OR51B5: variants seen among roughly 807,000 people sequenced by gnomAD.
OR51B5 encodes olfactory receptor family 51 subfamily B member 5.
For missense variants in OR51B5, 456 were observed against 374.6 expected (o/e 1.22, Z -1.79); for synonymous variants, 186 against 144.8 (o/e 1.28, Z -2.04).
chr11:5,394,589 G>A (rs149187802), intron 1 of OR51B5, among the ~76,000 whole-genome samples: 53 of 152,268 alleles, frequency 3.5e-4, no homozygotes, highest in Non-Finnish European at 4.9e-4. Context: ...AACACAGATG[G>A]CTCATGTAAT....
chr11:5,441,602 A>G lies in OR51B5; in HGVS notation n.84+63967T>C, dbSNP rs116498549. ...TTTCAGATATCCTGTCTCCAACAAA[A>G]GGTCATAGATTGAAAATGATTGCCT... On this transcript the variant is annotated intron_variant and non_coding_transcript_variant, in intron 1 of 4. Transcript: ENST00000415970. The G allele has an allele frequency of 2.3e-4, 231 of 997,392 alleles. 1 individual carries two copies. The African/African-American group carries it at 3.3e-3, about 14-fold the overall frequency. The allele number at this position is 997,392 out of a possible 1,614,324, so 61.8% of individuals were successfully genotyped here. A position where few individuals can be genotyped will look rare whatever the true frequency, so the allele number is the denominator to read the frequency against.
chr11:5,411,970 G>A (rs1398647264), intron 1 of OR51B5, among the ~76,000 whole-genome samples: 1 of 152,200 alleles, frequency 6.6e-6, no homozygotes, highest in Admixed American at 6.5e-5. Flanking sequence ...CTTGATTTTA[G>A]CCCAGTGAGA....
intron 1 of OR51B5, among the ~76,000 whole-genome samples, chr11:5,368,916 T>G (rs530468755): frequency 6.6e-6 from 1 of 152,300 alleles, no homozygotes; most frequent in South Asian, 2.1e-4. Context: ...AAGCCTCTGT[T>G]CAGGAACTTT....
chr11:5,420,611 ACT>A (rs1317657792), intron 1 of OR51B5, among the ~76,000 whole-genome samples: 3 of 151,692 alleles, frequency 2.0e-5, no homozygotes, highest in South Asian at 4.2e-4. Flanking sequence ...GATTATATCT[ACT>A]TGTCTTTCTC....
At chr11:5,387,992 G>A (rs1349886766) in intron 1 of OR51B5, among the ~76,000 whole-genome samples, 3 of 151,892 alleles carry the variant, frequency 2.0e-5, no homozygotes, top group Non-Finnish European at 4.4e-5. Context: ...TCTTGCCATT[G>A]AAAGTAATGG....
chr11:5,450,739 C>T (rs530707186), intron 1 of OR51B5, among the ~76,000 whole-genome samples: 1 of 152,294 alleles, frequency 6.6e-6, no homozygotes, highest in African/African-American at 2.4e-5. Flanking sequence ...CTCTCCAATG[C>T]CTTAATGATA....
intron 1 of OR51B5, among the ~76,000 whole-genome samples, chr11:5,375,062 A>T (rs549777100): frequency 2.0e-3 from 308 of 151,354 alleles, no homozygotes; most frequent in African/African-American, 6.8e-3. Flanking sequence ...TGAAGGAAAA[A>T]ATGTTAAGGG....
At chr11:5,494,372 A>G (rs762135983) in intron 1 of OR51B5, among the ~76,000 whole-genome samples, 4 of 152,154 alleles carry the variant, frequency 2.6e-5, no homozygotes, top group Non-Finnish European at 5.9e-5. Flanking sequence ...CTTCCCAAGC[A>G]TCACATGACG....
At chr11:5,380,987 A>G (rs972757789) in intron 1 of OR51B5, among the ~76,000 whole-genome samples, 12 of 152,098 alleles carry the variant, frequency 7.9e-5, no homozygotes, top group African/African-American at 1.9e-4. Flanking sequence ...TTGGGGATTC[A>G]GTTCTCCTGA....
chr11:5,483,995 T>C (rs1851464945), intron 1 of OR51B5, among the ~76,000 whole-genome samples: 1 of 152,112 alleles, frequency 6.6e-6, no homozygotes, highest in African/African-American at 2.4e-5. Flanking sequence ...AAACTTTGCA[T>C]CCAGACACAC....
At chr11:5,471,439 C>T (rs911770256) in intron 1 of OR51B5, among the ~76,000 whole-genome samples, 3 of 152,082 alleles carry the variant, frequency 2.0e-5, no homozygotes, top group Non-Finnish European at 2.9e-5. Flanking sequence ...AGTTTGAGAC[C>T]AGCCTGGACA....
At chr11:5,421,205 G>A (rs1029741264) in intron 1 of OR51B5, among the ~76,000 whole-genome samples, 4 of 152,200 alleles carry the variant, frequency 2.6e-5, no homozygotes, top group East Asian at 1.9e-4. Flanking sequence ...CCCAAGATGC[G>A]ATGCCTCCGT....
chr11:5,493,184 C>T (rs1040625864), intron 1 of OR51B5, among the ~76,000 whole-genome samples: 1 of 152,176 alleles, frequency 6.6e-6, no homozygotes, highest in Non-Finnish European at 1.5e-5. Context: ...AGTCCTTGTT[C>T]ATATAGGAAC....
intron 1 of OR51B5, among the ~76,000 whole-genome samples, chr11:5,368,351 T>A (rs547574491): frequency 6.6e-6 from 1 of 152,314 alleles, no homozygotes; most frequent in Admixed American, 6.5e-5. Flanking sequence ...CATCTTTAAG[T>A]GGGGATACCA....
At chr11:5,403,661 A>G (rs747705092) in intron 1 of OR51B5, 1 of 378,592 alleles carries the variant, frequency 2.6e-6, no homozygotes, top group African/African-American at 2.1e-5. Flanking sequence ...ATGGCGTCTA[A>G]CAGGAAGTTC....
chr11:5,347,513 A>G (rs1849011839), upstream of OR51B5, among the ~76,000 whole-genome samples: 1 of 151,376 alleles, frequency 6.6e-6, no homozygotes, highest in South Asian at 2.1e-4. Context: ...TCAGCCAAGC[A>G]CACCACATCA....
At chr11:5,351,969 T>C (rs1179108034) in intron 1 of OR51B5, 2 of 1,613,250 alleles carry the variant, frequency 1.2e-6, no homozygotes, top group East Asian at 4.5e-5. Flanking sequence ...GTCTGTCCAT[T>C]ATGCCAATAG....
chr11:5,379,106 T>C (rs1453036240), intron 1 of OR51B5, among the ~76,000 whole-genome samples: 4 of 151,568 alleles, frequency 2.6e-5, no homozygotes, highest in Non-Finnish European at 5.9e-5. Context: ...ATGTGGCACA[T>C]ATACACCATG....
intron 1 of OR51B5, among the ~76,000 whole-genome samples, chr11:5,356,829 C>G (rs1161930262): frequency 7.9e-6 from 1 of 126,158 alleles, no homozygotes; most frequent in African/African-American, 2.9e-5. Flanking sequence ...ATTCAACATC[C>G]TTAAAGGAAA....
Sources: gnomAD v4.1 joint callset for allele counts (sites outside exome capture counted in the v4.1 genomes callset) on GRCh38, gnomAD v4.1.1 for gene constraint, MANE v1.5 for transcripts, NCBI Gene and HGNC (gene_info 2026-07-23, HGNC 2026-07-21) for gene names.